DIPK1B: variants seen among roughly 807,000 people sequenced by gnomAD.
DIPK1B encodes divergent protein kinase domain 1B, also known as family with sequence similarity 69 member B.
In DIPK1B, 17 loss-of-function variants were observed where a neutral mutation model predicts 20.7. That is an observed-to-expected ratio of 0.82 (90% CI 0.56 to 1.23). The LOEUF (loss-of-function observed/expected upper bound fraction) is 1.23, where lower values mean the gene tolerates loss of function less well. DIPK1B is among the 50% of genes most tolerant of loss of function. The pLI is 0.00. For missense variants in DIPK1B, 648 were observed against 601.8 expected, an observed-to-expected ratio of 1.08 and a Z score of -0.80; for synonymous variants, 343 against 276.5, an observed-to-expected ratio of 1.24 and a Z score of -2.39.
Position 136,723,124 on chromosome 9 carries a change from G to T in DIPK1B, c.646G>T (p.Glu216Ter). The change falls in exon 5 of 5, where the codon GAG becomes TAG. Residue 216 changes from glutamate (E) to a stop codon, truncating the protein, a stop_gained. Transcript: ENST00000371692. LOFTEE classifies it low-confidence loss of function (END_TRUNC). ...FLLLLSLQEK[E>*]HASRLLGYCG... Reference sequence around the variant, plus strand: ...GCTGCTGCTGTCCCTGCAGGAGAAGGAGCACGCCTCCAGACTGCTGGGCTA... The same window carrying T: ...GCTGCTGCTGTCCCTGCAGGAGAAGTAGCACGCCTCCAGACTGCTGGGCTA... 6.2e-7 allele frequency: 1 copy of T among 1,613,560 alleles called. No individual in the cohort carries two copies. The highest frequency in any genetic ancestry group is 8.5e-7 in the Non-Finnish European group (1 of 1,180,030).
At position 136,724,068 on chromosome 9, in the gene DIPK1B, C is replaced by CT. The variant is rs1846665539; in HGVS notation, c.*294_*295insT. The CT allele has an allele frequency of 4.9e-6, 2 of 410,008 alleles. No individual in the cohort carries two copies. Among genetic ancestry groups the CT allele is most frequent in the Non-Finnish European group, 9.0e-6 (2 of 221,368 alleles). The allele number at this position is 410,008 out of a possible 1,614,324, so 25.4% of individuals were successfully genotyped here. ...AGGGCTGAGCACCCTGAGCCCCCAT[C>CT]GATGCTGTGTGTGGGACCCTTCGCC... On this transcript the variant is annotated 3_prime_UTR_variant, in exon 5 of 5. Transcript: ENST00000371692.
intron 4 of DIPK1B, 31 bp from the exon 5 acceptor site, chr9:136,722,931 G>C: frequency 1.3e-6 from 2 of 1,570,672 alleles, no homozygotes; most frequent in East Asian, 2.3e-5. Flanking sequence ...AAATCAGCTG[G>C]CTTTTCCTTT....
Position 136,723,621 on chromosome 9 carries a change from GC to G in DIPK1B, c.1146del (p.Ala383ProfsTer17), listed in dbSNP as rs1846656177. ...TACGGGGCTACCTGCTGCCTGGCGC[GC>G]CCGCCGACCTCCGCGAGGAGCTGGG... ...LLRGYLLPGA[P>X]ADLREELGTQ... On this transcript the variant is annotated frameshift_variant, in exon 5 of 5. Transcript: ENST00000371692. LOFTEE classifies it low-confidence loss of function (END_TRUNC). 6.3e-7 allele frequency: 1 copy of G among 1,578,420 alleles called. No individual in the cohort carries two copies. The highest frequency in any genetic ancestry group is 1.3e-5 in the African/African-American group (1 of 74,134).
chr9:136,715,518 T>TG (rs1846484431), intron 1 of DIPK1B, among the ~76,000 whole-genome samples: 1 of 120,314 alleles, frequency 8.3e-6, no homozygotes, highest in Non-Finnish European at 1.9e-5. Flanking sequence ...GCCTGCTTAC[T>TG]TTTTTTTTTT....
chr9:136,719,030 C>T (rs1846547374), intron 2 of DIPK1B, among the ~76,000 whole-genome samples: 1 of 152,026 alleles, frequency 6.6e-6, no homozygotes, highest in African/African-American at 2.4e-5. Flanking sequence ...GAGGGTGGCA[C>T]ATGGGGCTCG....
intron 4 of DIPK1B, chr9:136,722,622 C>A: frequency 1.8e-6 from 1 of 560,462 alleles, no homozygotes; most frequent in Non-Finnish European, 3.2e-6. Context: ...CTTCCCAGGG[C>A]TTCAGCCAGT....
chr9:136,719,679 T>C (rs990790517), intron 2 of DIPK1B, among the ~76,000 whole-genome samples: 5 of 152,204 alleles, frequency 3.3e-5, no homozygotes, highest in Admixed American at 1.3e-4. Flanking sequence ...CACACTCTGC[T>C]AGGTGCTGGT....
chr9:136,713,984 C>T (rs571877537), intron 1 of DIPK1B, among the ~76,000 whole-genome samples: 2 of 152,330 alleles, frequency 1.3e-5, no homozygotes, highest in African/African-American at 4.8e-5. Context: ...GGGAGCTGGT[C>T]CCCACCTGCC....
chr9:136,717,122 G>A (rs181269696), intron 1 of DIPK1B, among the ~76,000 whole-genome samples: 17 of 151,972 alleles, frequency 1.1e-4, no homozygotes, highest in African/African-American at 3.6e-4. Flanking sequence ...CCAGTTACTC[G>A]GGAGGCTGAC....
At chr9:136,714,744 G>A (rs1029459415) in intron 1 of DIPK1B, among the ~76,000 whole-genome samples, 8 of 152,328 alleles carry the variant, frequency 5.3e-5, no homozygotes, top group Middle Eastern at 3.4e-3. Flanking sequence ...TCCCCACACC[G>A]GAGCCACGCC....
intron 4 of DIPK1B, 157 bp downstream of exon 4, chr9:136,722,458 T>C: frequency 5.4e-6 from 5 of 924,304 alleles, no homozygotes; most frequent in South Asian, 3.5e-5. Context: ...GCATGAGCCC[T>C]GCCAGGGAAG....
chr9:136,720,472 C>CG (rs1462878514), intron 2 of DIPK1B, among the ~76,000 whole-genome samples: 8 of 151,746 alleles, frequency 5.3e-5, no homozygotes, highest in Admixed American at 1.3e-4. Context: ...AGGAATTCTC[C>CG]CCCCCCCAGA....
chr9:136,721,518 A>C, intron 2 of DIPK1B: 1 of 203,158 alleles, frequency 4.9e-6, no homozygotes, highest in Non-Finnish European at 1.0e-5. Flanking sequence ...ACTAGTGTGA[A>C]TTCTAGTTCA....
chr9:136,717,573 A>C lies in DIPK1B; in HGVS notation c.64-4A>C, dbSNP rs758820756. On this transcript the variant is annotated splice_polypyrimidine_tract_variant and splice_region_variant and intron_variant, in intron 1 of 4. Coordinates refer to ENST00000371692, the MANE Select transcript of DIPK1B (RefSeq NM_152421.4). The stretch of plus-strand genomic sequence containing the variant: ...ACCTCCTCACGCAGCCCCTTCCCCC[A>C]CAGGGCCGGCTCCCAGGCCTCAGGG... The C allele has an allele frequency of 3.1e-6, 5 of 1,598,056 alleles. No individual in the cohort carries two copies. Among genetic ancestry groups the C allele is most frequent in the Admixed American group, 1.7e-5 (1 of 59,780 alleles).
chr9:136,718,182 A>G (rs12554720), intron 2 of DIPK1B, among the ~76,000 whole-genome samples: 1 of 143,526 alleles, frequency 7.0e-6, no homozygotes, highest in Admixed American at 6.9e-5. Flanking sequence ...GATAGAGACC[A>G]CCGTGTGCTG....
rs71385760 is a variant in DIPK1B at position 136,716,264 on chromosome 9, CTTTTTTTT to C, written c.64-1298_64-1291del. On this transcript the variant is annotated intron_variant, in intron 1 of 4. Coordinates refer to ENST00000371692, the MANE Select transcript of DIPK1B (RefSeq NM_152421.4). ...TGAACATCGGTGTCTGAGTCTGTGT[CTTTTTTTT>C]TTTTTTTTTTTTTTGAGACAGGGTC... is the stretch of plus-strand genomic sequence containing the variant. 2.5e-5 allele frequency among the ~76,000 whole-genome samples: 3 copies of C among 121,270 alleles called. 1 individual carries two copies. Among genetic ancestry groups the C allele is most frequent in the African/African-American group, 9.4e-5 (3 of 31,860 alleles). 79.6% of individuals were successfully genotyped at this position (121,270 alleles called of 152,430 possible).
rs895508198 is a variant in DIPK1B, at chr9:136,724,455, C to A, written c.*681C>A. 1.3e-5 allele frequency among the ~76,000 whole-genome samples: 2 copies of A among 152,226 alleles called. No individual in the cohort carries two copies. The highest frequency in any genetic ancestry group is 4.8e-5 in the African/African-American group (2 of 41,454). On this transcript the variant is annotated 3_prime_UTR_variant, in exon 5 of 5. Coordinates refer to ENST00000371692, the MANE Select transcript of DIPK1B (RefSeq NM_152421.4). ...AATGGCCATCTTCTCCAGCCCCGTA[C>A]GCTCTCCCCAGTAGCCCAGGGCACC...
Position 136,724,089 on chromosome 9 carries a change from T to TTTTAATGATG in DIPK1B, c.*315_*316insTTTAATGATG. ...CCATCGATGCTGTGTGTGGGACCCT[T>TTTTAATGATG]CGCCCCGCTGTGGATCCACCCAGCC... On this transcript the variant is annotated 3_prime_UTR_variant, in exon 5 of 5. Coordinates refer to ENST00000371692, the MANE Select transcript of DIPK1B (RefSeq NM_152421.4). The TTTTAATGATG allele has an allele frequency of 2.9e-6, 1 of 344,868 alleles. No homozygotes were observed. Among genetic ancestry groups the TTTTAATGATG allele is most frequent in the Non-Finnish European group, 5.4e-6 (1 of 184,006 alleles). 21.4% of individuals were successfully genotyped at this position (344,868 alleles called of 1,614,324 possible). A position where few individuals can be genotyped will look rare whatever the true frequency, so the allele number is the denominator to read the frequency against.
At position 136,717,654 on chromosome 9, in the gene DIPK1B, C is replaced by T. The variant is rs751892453; in HGVS notation, c.141C>T (p.Tyr47=). The change falls in exon 2 of 5, where the codon TAC becomes TAT. Residue 47 remains tyrosine, a synonymous_variant. Transcript: ENST00000371692. ...LGVFAGSWLV[Y]VHYSSYSERC... is the part of the protein sequence containing the mutation. ...TCTTTGCAGGCAGCTGGCTGGTGTACGTGCACTACTCGTCCTACTCGGAGC... is the reference window on the plus strand; with the variant it reads ...TCTTTGCAGGCAGCTGGCTGGTGTATGTGCACTACTCGTCCTACTCGGAGC... 9 of 1,608,734 alleles carry T rather than the reference C, an allele frequency of 5.6e-6. No homozygotes were observed. Among genetic ancestry groups the T allele is most frequent in the South Asian group, 2.2e-5 (2 of 91,088 alleles).
Sources: allele counts gnomAD v4.1 joint callset (sites outside exome capture counted in the v4.1 genomes callset), GRCh38; gene constraint gnomAD v4.1.1; transcripts MANE v1.5; gene names NCBI Gene and HGNC (gene_info 2026-07-23, HGNC 2026-07-21).